Variants in NRG4 observed in about 807,000 individuals in gnomAD.
The protein encoded by NRG4 is pro-neuregulin-4, membrane-bound isoform.
NRG4 carries 10 observed loss-of-function variants against 15.0 expected under a neutral mutation model. That is an observed-to-expected ratio of 0.67 (90% CI 0.41 to 1.13). The LOEUF (loss-of-function observed/expected upper bound fraction) is 1.13, where lower values mean the gene tolerates loss of function less well. Ranked by LOEUF, NRG4 falls within the 50% of genes most tolerant of loss-of-function variation. NRG4 has a pLI of 0.00. For missense variants in NRG4, 139 were observed against 140.2 expected (o/e 0.99, Z 0.04); for synonymous variants, 41 against 50.1 (o/e 0.82, Z 0.77).
chr15:75,990,043 C>G (rs28876229), intron 3 of NRG4, among the ~76,000 whole-genome samples: 121,754 of 152,020 alleles, frequency 0.8, 49,149 homozygotes, highest in South Asian at 0.9. Flanking sequence ...TACCCTAGGT[C>G]TTCACCAAGG....
intron 5 of NRG4, among the ~76,000 whole-genome samples, chr15:76,027,402 C>G (rs2035343538): frequency 6.6e-6 from 1 of 151,512 alleles, no homozygotes; most frequent in African/African-American, 2.4e-5. Flanking sequence ...GCACCCAGCA[C>G]CAAAGCACCT....
chr15:75,988,167 A>G (rs1475130858), intron 3 of NRG4, among the ~76,000 whole-genome samples: 1 of 152,156 alleles, frequency 6.6e-6, no homozygotes, highest in Non-Finnish European at 1.5e-5. Context: ...GCCGACGTCA[A>G]AGAGGTTGAC....
intron 3 of NRG4, among the ~76,000 whole-genome samples, chr15:75,973,009 A>G (rs147903686): frequency 0.021 from 3,234 of 152,240 alleles, 135 homozygotes; most frequent in African/African-American, 0.075. Flanking sequence ...ATGAGCATGG[A>G]ATGTTCTTCC....
At chr15:76,017,844 C>T (rs1167312643) in intron 5 of NRG4, among the ~76,000 whole-genome samples, 1 of 152,112 alleles carries the variant, frequency 6.6e-6, no homozygotes, top group Non-Finnish European at 1.5e-5. Flanking sequence ...GTGGTGTTCT[C>T]GGTATTTCCT....
At chr15:75,940,689 A>C (rs1478601765), downstream of NRG4, 1 of 152,136 alleles carries the variant, frequency 6.6e-6, no homozygotes, top group East Asian at 1.9e-4. Context: ...AAACCCTCTC[A>C]TATGTAGGTA....
At chr15:76,018,405 C>T (rs1238640356) in intron 5 of NRG4, among the ~76,000 whole-genome samples, 1 of 152,152 alleles carries the variant, frequency 6.6e-6, no homozygotes, top group Non-Finnish European at 1.5e-5. Flanking sequence ...GTAGAAGAGG[C>T]GTTCTGGGTT....
chr15:76,016,589 TA>T (rs2034987172), upstream of NRG4, among the ~76,000 whole-genome samples: 2 of 152,208 alleles, frequency 1.3e-5, no homozygotes. Flanking sequence ...TTAATTTCGT[TA>T]TTTACCCATC....
At chr15:75,962,637 C>T (rs113254327) in intron 3 of NRG4, among the ~76,000 whole-genome samples, 2,866 of 152,194 alleles carry the variant, frequency 0.019, 105 homozygotes, top group African/African-American at 0.066. Context: ...TAGCCAATTA[C>T]CTGTAGCTCT....
chr15:76,011,243 A>G lies in NRG4; in HGVS notation c.-13T>C. 6.9e-7 allele frequency: 1 copy of G among 1,452,614 alleles called. No individual in the cohort carries two copies. The highest frequency in any genetic ancestry group is 9.1e-7 in the Non-Finnish European group (1 of 1,094,716). 90.0% of individuals were successfully genotyped at this position (1,452,614 alleles called of 1,614,324 possible). ...TACCTGTTGGCATCTTAATTTGTAA[A>G]TAGTTTCATTCTTGGTCAAGAGAGT... On this transcript the variant is annotated 5_prime_UTR_variant, in exon 2 of 6. Transcript: ENST00000394907.
chr15:75,949,218 C>T (rs1567070176), intron 5 of NRG4, among the ~76,000 whole-genome samples: 1 of 152,120 alleles, frequency 6.6e-6, no homozygotes, highest in Non-Finnish European at 1.5e-5. Flanking sequence ...TCGAGACCAG[C>T]CTGGCCAACA....
chr15:76,037,992 C>G (rs1445029821), intron 4 of NRG4, among the ~76,000 whole-genome samples: 1 of 152,146 alleles, frequency 6.6e-6, no homozygotes, highest in Non-Finnish European at 1.5e-5. Context: ...GATGACATTT[C>G]TAGACACACC....
At chr15:76,002,605 C>T (rs1293936548) in intron 3 of NRG4, among the ~76,000 whole-genome samples, 2 of 152,060 alleles carry the variant, frequency 1.3e-5, no homozygotes, top group South Asian at 2.1e-4. Flanking sequence ...ATTAAACATA[C>T]ACTTTAAAGA....
At chr15:76,009,928 C>A (rs2034747228) in intron 2 of NRG4, among the ~76,000 whole-genome samples, 1 of 152,060 alleles carries the variant, frequency 6.6e-6, no homozygotes, top group Non-Finnish European at 1.5e-5. Flanking sequence ...TGATATACAG[C>A]CAAATCTTTC....
intron 3 of NRG4, among the ~76,000 whole-genome samples, chr15:75,993,686 A>G (rs1293447441): frequency 6.6e-6 from 1 of 150,924 alleles, no homozygotes; most frequent in Non-Finnish European, 1.5e-5. Flanking sequence ...TGACAGAGTG[A>G]GACTCACTCT....
chr15:75,981,481 T>C (rs557998285), intron 3 of NRG4, among the ~76,000 whole-genome samples: 2 of 152,124 alleles, frequency 1.3e-5, no homozygotes, highest in Non-Finnish European at 2.9e-5. Flanking sequence ...AAACAGATAA[T>C]CCTAGAAGTA....
At chr15:76,055,019 C>G (rs1026691720) in intron 2 of NRG4, among the ~76,000 whole-genome samples, 2 of 127,766 alleles carry the variant, frequency 1.6e-5, no homozygotes, top group African/African-American at 5.2e-5. Context: ...GTGGCTCATG[C>G]CTATAATCCC....
In NRG4 at chr15:75,942,455, ACT is replaced by A. The variant is rs1354487761; in HGVS notation, c.*1181_*1182del. 3 of 152,210 alleles carry A rather than the reference ACT, an allele frequency of 2.0e-5. No individual in the cohort carries two copies. The highest frequency in any genetic ancestry group is 4.4e-5 in the Non-Finnish European group (3 of 68,048). The allele number at this position is 152,210 out of a possible 1,614,324, so 9.4% of individuals were successfully genotyped here. Reference sequence around the variant, plus strand: ...GGGGGGAAGCATAGGGGAACTCTATACTATCTGCTCAGTTTTTCTGAAAATCT... The same window carrying A: ...GGGGGGAAGCATAGGGGAACTCTATAATCTGCTCAGTTTTTCTGAAAATCT... On this transcript the variant is annotated 3_prime_UTR_variant, in exon 6 of 6. Transcript: ENST00000394907.
At chr15:76,047,120 TA>T (rs1212201641) in intron 4 of NRG4, among the ~76,000 whole-genome samples, 1 of 150,484 alleles carries the variant, frequency 6.6e-6, no homozygotes, top group Non-Finnish European at 1.5e-5. Flanking sequence ...ATATCATCAA[TA>T]AAAGATACTG....
intron 2 of NRG4, among the ~76,000 whole-genome samples, chr15:76,055,155 C>T (rs956935803): frequency 5.9e-5 from 9 of 152,096 alleles, no homozygotes; most frequent in Non-Finnish European, 8.8e-5. Flanking sequence ...TGGTGCTGGG[C>T]GCCTGTAGTC....
Sources: gnomAD v4.1 joint callset for allele counts (sites outside exome capture counted in the v4.1 genomes callset) on GRCh38, gnomAD v4.1.1 for gene constraint, MANE v1.5 for transcripts, NCBI Gene and HGNC (gene_info 2026-07-23, HGNC 2026-07-21) for gene names.